The following ROR1 variants were observed in gnomAD, a reference collection of about 807,000 sequenced individuals.
ROR1 encodes the protein ROR family WNT receptor 1.
ROR1 carries 19 observed loss-of-function variants against 78.8 expected under a neutral mutation model. The ratio of observed to expected loss-of-function variants is 0.24; its 90% CI spans 0.17 to 0.35. ROR1 has a LOEUF of 0.35. Among genes scored for constraint, ROR1 ranks in the 10% least tolerant of loss-of-function variants. The pLI is 1.00. For missense variants in ROR1, 917 were observed against 1,177.8 expected, an observed-to-expected ratio of 0.78 and a Z score of 3.24; for synonymous variants, 386 against 433.6, an observed-to-expected ratio of 0.89 and a Z score of 1.36.
chr1:64,073,282 A>G (rs374087118), intron 4 of ROR1, among the ~76,000 whole-genome samples: 7 of 152,094 alleles, frequency 4.6e-5, no homozygotes, highest in South Asian at 2.1e-4. Context: ...TTCTTGCCCA[A>G]TCAGTCAGAA....
chr1:64,084,133 G>T (rs751411897), intron 4 of ROR1, among the ~76,000 whole-genome samples: 5 of 152,192 alleles, frequency 3.3e-5, no homozygotes, highest in Non-Finnish European at 7.3e-5. Flanking sequence ...TCATAGAAAA[G>T]GAACTAGTAT....
At chr1:63,960,006 C>T (rs7529175) in intron 1 of ROR1, among the ~76,000 whole-genome samples, 3,472 of 152,302 alleles carry the variant, frequency 0.023, 138 homozygotes, top group African/African-American at 0.079. Flanking sequence ...CATCACTATC[C>T]GCTTTTGATG....
chr1:63,940,898 C>T (rs1037293264), intron 1 of ROR1, among the ~76,000 whole-genome samples: 1 of 152,164 alleles, frequency 6.6e-6, no homozygotes, highest in Non-Finnish European at 1.5e-5. Context: ...GATGCAGGTA[C>T]GTGATGCACT....
intron 4 of ROR1, among the ~76,000 whole-genome samples, chr1:64,082,765 G>A (rs943584283): frequency 5.3e-5 from 8 of 152,206 alleles, no homozygotes; most frequent in African/African-American, 1.7e-4. Context: ...GCTGACCTTG[G>A]TTTAAGCTCT....
intron 7 of ROR1, among the ~76,000 whole-genome samples, chr1:64,153,482 C>T (rs542065474): frequency 2.6e-5 from 4 of 152,224 alleles, no homozygotes; most frequent in East Asian, 1.9e-4. Flanking sequence ...TCATGATAGC[C>T]GTTTAAGGCA....
At chr1:64,078,406 T>C (rs1647070341) in intron 4 of ROR1, among the ~76,000 whole-genome samples, 1 of 152,054 alleles carries the variant, frequency 6.6e-6, no homozygotes. Flanking sequence ...GTGAGAATAG[T>C]GATTGCAGTG....
chr1:63,882,984 T>G (rs952666480), intron 1 of ROR1, among the ~76,000 whole-genome samples: 8 of 151,974 alleles, frequency 5.3e-5, no homozygotes, highest in African/African-American at 1.7e-4. Context: ...AGGCTTATGT[T>G]GTATGGAGTG....
At chr1:63,829,372 G>A (rs1644972934) in intron 1 of ROR1, among the ~76,000 whole-genome samples, 1 of 152,186 alleles carries the variant, frequency 6.6e-6, no homozygotes, top group Non-Finnish European at 1.5e-5. Flanking sequence ...TCACCAAAGT[G>A]GGAATGCGGG....
At chr1:63,942,932 A>T (rs1185355577) in intron 1 of ROR1, among the ~76,000 whole-genome samples, 2 of 151,982 alleles carry the variant, frequency 1.3e-5, no homozygotes, top group Non-Finnish European at 2.9e-5. Context: ...TCTACAAAAA[A>T]TAATAAAATT....
Position 64,083,593 on chromosome 1 carries a change from G to GAAA in ROR1, c.482+32878_482+32879insAAA, listed in dbSNP as rs1270419889. 2.0e-3 allele frequency among the ~76,000 whole-genome samples: 269 copies of GAAA among 133,908 alleles called. 4 individuals carry two copies. The highest frequency in any genetic ancestry group is 7.5e-3 in the African/African-American group (251 of 33,370). 87.8% of individuals were successfully genotyped at this position (133,908 alleles called of 152,430 possible). On this transcript the variant is annotated intron_variant, in intron 4 of 8. Coordinates refer to ENST00000371079, the MANE Select transcript of ROR1 (RefSeq NM_005012.4). ...GCTTTAAAGGTGCTAGAGAGAGAGA[G>GAAA]AGAAAAAAAAAAAAACAACCATTGT...
chr1:64,171,057 G>A (rs1650225780), intron 8 of ROR1, among the ~76,000 whole-genome samples: 2 of 152,214 alleles, frequency 1.3e-5, no homozygotes, highest in African/African-American at 4.8e-5. Flanking sequence ...ACCTCTGCCT[G>A]TTACCCAGTT....
intron 7 of ROR1, chr1:64,142,878 T>A: frequency 1.5e-6 from 2 of 1,376,522 alleles, no homozygotes; most frequent in East Asian, 2.8e-5. Flanking sequence ...GCCATTGCAC[T>A]CATGGATGTA....
At chr1:63,884,840 G>GT (rs1161566027) in intron 1 of ROR1, among the ~76,000 whole-genome samples, 6,401 of 145,620 alleles carry the variant, frequency 0.044, 430 homozygotes, top group African/African-American at 0.15. Flanking sequence ...GTTATGGTGT[G>GT]TTTTTTTTTT....
rs112356250 is a variant in ROR1 at position 63,818,964 on chromosome 1, A to T, written c.91+44456A>T. On this transcript the variant is annotated intron_variant, in intron 1 of 8. Coordinates refer to ENST00000371079, the MANE Select transcript of ROR1 (RefSeq NM_005012.4). ...CCCTATATTTTTGTTCCAGGGTCTCAGTGGGAGGCCCTAGAAGGTTACTAC... is the reference window on the plus strand; with the variant it reads ...CCCTATATTTTTGTTCCAGGGTCTCTGTGGGAGGCCCTAGAAGGTTACTAC... Among the ~76,000 whole-genome samples the T allele has an allele frequency of 5.0e-3, 755 of 152,218 alleles. 4 individuals carry two copies. The highest frequency in any genetic ancestry group is 0.017 in the African/African-American group (725 of 41,538).
At chr1:63,889,617 A>G (rs1165293982) in intron 1 of ROR1, among the ~76,000 whole-genome samples, 3 of 152,180 alleles carry the variant, frequency 2.0e-5, no homozygotes, top group Middle Eastern at 3.2e-3. Context: ...ACCTATCTTT[A>G]TATAGTTAGT....
chr1:63,830,167 A>G (rs1644978769), intron 1 of ROR1, among the ~76,000 whole-genome samples: 2 of 152,160 alleles, frequency 1.3e-5, no homozygotes, highest in Non-Finnish European at 2.9e-5. Context: ...GAGGAGTCAG[A>G]GCAGTTTTGA....
chr1:64,149,305 A>G (rs1649558095), intron 7 of ROR1, among the ~76,000 whole-genome samples: 2 of 152,206 alleles, frequency 1.3e-5, no homozygotes, highest in South Asian at 2.1e-4. Context: ...ATAGAATTTC[A>G]TATCCATTCC....
intron 1 of ROR1, among the ~76,000 whole-genome samples, chr1:63,864,926 C>G (rs549887668): frequency 6.6e-6 from 1 of 150,912 alleles, no homozygotes; most frequent in Non-Finnish European, 1.5e-5. Context: ...TATCAATAAG[C>G]TTTTTATTAC....
intron 4 of ROR1, among the ~76,000 whole-genome samples, chr1:64,123,818 A>G (rs1447990272): frequency 1.3e-5 from 2 of 152,204 alleles, no homozygotes; most frequent in African/African-American, 4.8e-5. Flanking sequence ...ATATTTATAA[A>G]TTCATGTAAA....
Sources: gnomAD v4.1 joint callset for allele counts (sites outside exome capture counted in the v4.1 genomes callset) on GRCh38, gnomAD v4.1.1 for gene constraint, MANE v1.5 for transcripts, NCBI Gene and HGNC (gene_info 2026-07-23, HGNC 2026-07-21) for gene names.